The following INPPL1 variants were observed in gnomAD, a reference collection of about 807,000 sequenced individuals.
INPPL1 encodes the protein inositol polyphosphate phosphatase like 1.
A neutral mutation model predicts 139.3 loss-of-function variants in INPPL1; 91 were observed. The ratio of observed to expected loss-of-function variants is 0.65; its 90% CI spans 0.55 to 0.78. The LOEUF is 0.78. Ranked by LOEUF, INPPL1 falls within the 30% of genes least tolerant of loss-of-function variation. The pLI, the probability that INPPL1 is intolerant of heterozygous loss-of-function variation, is 0.00. For missense variants in INPPL1, 1,411 were observed against 1,665.6 expected, an observed-to-expected ratio of 0.85 and a Z score of 2.66; for synonymous variants, 719 against 686.6, an observed-to-expected ratio of 1.05 and a Z score of -0.74.
chr11:72,230,569 C>T, intron 10 of INPPL1, 101 bp downstream of exon 10: 2 of 1,173,708 alleles, frequency 1.7e-6, no homozygotes, highest in Non-Finnish European at 2.5e-6. Context: ...TGTAGGCATG[C>T]CATCCCTCCT....
chr11:72,233,384 C>A, intron 17 of INPPL1, 57 bp from the exon 18 acceptor site: 1 of 1,476,824 alleles, frequency 6.8e-7, no homozygotes, highest in Middle Eastern at 2.1e-4. Flanking sequence ...GAGTGGGGTC[C>A]ATGCCAAGCA....
upstream of INPPL1, among the ~76,000 whole-genome samples, chr11:72,224,515 C>T (rs1278120306): frequency 2.7e-5 from 3 of 110,248 alleles, no homozygotes; most frequent in South Asian, 2.9e-4. Context: ...CCCGAAGTGT[C>T]GGGGCCAGGA....
intron 13 of INPPL1, among the ~76,000 whole-genome samples, 166 bp downstream of exon 13, chr11:72,231,781 C>T (rs1034012567): frequency 6.6e-6 from 1 of 152,178 alleles, no homozygotes; most frequent in Non-Finnish European, 1.5e-5. Context: ...TCTCCCAGCA[C>T]CACTGGGAAG....
At chr11:72,225,699 CA>C (rs1948651562) in intron 1 of INPPL1, among the ~76,000 whole-genome samples, 1 of 152,134 alleles carries the variant, frequency 6.6e-6, no homozygotes, top group Admixed American at 6.5e-5. Flanking sequence ...CTTGGGGAAG[CA>C]GAGGCTGAGG....
At position 72,235,762 on chromosome 11, in the gene INPPL1, G is replaced by A. The variant is rs372285986; in HGVS notation, c.2738+9G>A. 82 of 1,613,982 alleles carry A rather than the reference G, an allele frequency of 5.1e-5. No homozygotes were observed. The highest frequency in any genetic ancestry group is 6.8e-5 in the Non-Finnish European group (80 of 1,179,992). On this transcript the variant is annotated intron_variant, in intron 24 of 27. Coordinates refer to ENST00000298229, the MANE Select transcript of INPPL1 (RefSeq NM_001567.4). This position sits in a 1 kb window ranked among gnomAD's most constrained non-coding sequence, Gnocchi z 4.9. ...GGGAGCCAGGAGCCCAGGTGAGCTA[G>A]GGCTGTGTTGAATGTCATATGAAAG...
rs778488376 is a variant in INPPL1 at position 72,237,675 on chromosome 11, C to A, written c.3431C>A (p.Ala1144Glu). Residue 1144 changes from alanine to glutamate, a missense_variant, in exon 26 of 28, where the codon GCG becomes GAG. By Grantham distance (107) the Ala-to-Glu change is moderately radical (BLOSUM62 -1). Transcript: ENST00000298229. ...DYAPAGPARS[A>E]LLPGPLELQP... ...GCCCCTGCTGGGCCTGCACGCTCAG[C>A]GCTCCTCCCAGGCCCCCTGGAGCTG... is the stretch of plus-strand genomic sequence containing the variant. 15 of 1,611,748 alleles carry A rather than the reference C, an allele frequency of 9.3e-6. No individual in the cohort carries two copies. Among genetic ancestry groups the A allele is most frequent in the Non-Finnish European group, 1.2e-5 (14 of 1,179,446 alleles).
chr11:72,235,857 G>A lies in INPPL1; in HGVS notation c.2750G>A (p.Arg917His), dbSNP rs748853590. Residue 917 changes from arginine to histidine, a missense_variant, in exon 25 of 28, where the codon CGC (arginine) becomes CAC (histidine). By Grantham distance (29) the Arg-to-His change is conservative. This residue lies in a region of INPPL1 where 99 missense variants were observed against 171.6 expected (regional missense o/e 0.58). Transcript: ENST00000298229. This position sits in a 1 kb window ranked among gnomAD's most constrained non-coding sequence, Gnocchi z 4.9. ...TGCATCCCTGGCAGGTCAGGGAGCC[G>A]CAAGCCAGCCTTCACAGAGGCCTCC... Reference protein sequence around the residue: ...RGSQEPRSGSRKPAFTEASCP... With the variant: ...RGSQEPRSGSHKPAFTEASCP... 1.7e-5 allele frequency: 28 copies of A among 1,612,324 alleles called. No homozygotes were observed. The highest frequency in any genetic ancestry group is 7.7e-5 in the South Asian group (7 of 90,946).
Position 72,235,769 on chromosome 11 carries a change from G to A in INPPL1, c.2738+16G>A, listed in dbSNP as rs773881928. On this transcript the variant is annotated intron_variant, in intron 24 of 27. Transcript: ENST00000298229. The surrounding 1 kb of genome is among the most constrained non-coding windows in gnomAD (Gnocchi z 4.9). ...AGGAGCCCAGGTGAGCTAGGGCTGT[G>A]TTGAATGTCATATGAAAGGGTACCT... is the stretch of plus-strand genomic sequence containing the variant. 1.5e-5 allele frequency: 24 copies of A among 1,613,948 alleles called. No homozygotes were observed. The highest frequency in any genetic ancestry group is 8.9e-5 in the East Asian group (4 of 44,894).
rs1279630502 is a variant in INPPL1, at chr11:72,231,486, C to T, written c.1498-12C>T. ...GCAGCAGGGCAGTGGTGACCATGCACTCTCTACCCAGATTGCCATGCAATC... is the reference window on the plus strand; with the variant it reads ...GCAGCAGGGCAGTGGTGACCATGCATTCTCTACCCAGATTGCCATGCAATC... On this transcript the variant is annotated splice_polypyrimidine_tract_variant and intron_variant, in intron 12 of 27. Coordinates refer to ENST00000298229, the MANE Select transcript of INPPL1 (RefSeq NM_001567.4). The T allele has an allele frequency of 6.3e-7, 1 of 1,592,336 alleles. No individual in the cohort carries two copies. The highest frequency in any genetic ancestry group is 1.7e-5 in the Admixed American group (1 of 60,006).
In INPPL1 at chr11:72,237,469, A is replaced by C; in HGVS notation, c.3225A>C (p.Pro1075=). 2 of 1,610,244 alleles carry C rather than the reference A, an allele frequency of 1.2e-6. No homozygotes were observed. The highest frequency in any genetic ancestry group is 1.7e-6 in the Non-Finnish European group (2 of 1,177,658). ...CCAGCCTGGATCCTTTACCAGGGCCAGTGGTCCGGGGCCGTGGTGGGGCTG... is the reference window on the plus strand; with the variant it reads ...CCAGCCTGGATCCTTTACCAGGGCCCGTGGTCCGGGGCCGTGGTGGGGCTG... ...LPPSLDPLPG[P]VVRGRGGAEA... is the part of the protein sequence containing the mutation. Residue 1075 remains proline (P), a synonymous_variant, in exon 26 of 28, where the codon CCA becomes CCC. Coordinates refer to ENST00000298229, the MANE Select transcript of INPPL1 (RefSeq NM_001567.4).
Position 72,224,793 on chromosome 11 carries a change from T to C in INPPL1, c.-192T>C. ...TTTCTCTTCAAGTTGAGGCCGGCGC[T>C]GCAGGCAGCGGCGGCTGCGCGGTGA... On this transcript the variant is annotated 5_prime_UTR_variant, in exon 1 of 28. Coordinates refer to ENST00000298229, the MANE Select transcript of INPPL1 (RefSeq NM_001567.4). 1 of 204,474 alleles carries C rather than the reference T, an allele frequency of 4.9e-6. No homozygotes were observed. The highest frequency in any genetic ancestry group is 9.0e-6 in the Non-Finnish European group (1 of 110,926). 12.7% of individuals were successfully genotyped at this position (204,474 alleles called of 1,614,324 possible).
At chr11:72,232,427 C>T (rs573752655) in intron 14 of INPPL1, 91 bp downstream of exon 14, 70 of 1,288,388 alleles carry the variant, frequency 5.4e-5, no homozygotes, top group Non-Finnish European at 6.7e-5. Flanking sequence ...ATGACCCTCC[C>T]GCAGGCCTGT....
chr11:72,236,071 T>C (rs1948983004), intron 25 of INPPL1, 85 bp downstream of exon 25: 13 of 774,938 alleles, frequency 1.7e-5, no homozygotes, highest in Non-Finnish European at 2.5e-5. Context: ...AGGGTTGGCC[T>C]GGAGATCATC....
At position 72,233,682 on chromosome 11, in the gene INPPL1, A is replaced by T; in HGVS notation, c.2150A>T (p.Asp717Val). 1 of 1,614,060 alleles carries T rather than the reference A, an allele frequency of 6.2e-7. No homozygotes were observed. Residue 717 changes from aspartate to valine, a missense_variant, in exon 19 of 28, where the codon GAC becomes GTC. Transcript: ENST00000298229. ...YGCTDDIVTSDHSPVFGTFEV... is the reference protein window; with the variant it reads ...YGCTDDIVTSVHSPVFGTFEV... ...TGCACTGATGACATCGTCACCAGCGACCATTCCCCCGTGTTTGGGACATTT... is the reference window on the plus strand; with the variant it reads ...TGCACTGATGACATCGTCACCAGCGTCCATTCCCCCGTGTTTGGGACATTT...
chr11:72,237,082 G>A lies in INPPL1; in HGVS notation c.2880-42G>A, dbSNP rs775458938. 7 of 1,526,764 alleles carry A rather than the reference G, an allele frequency of 4.6e-6. No homozygotes were observed. The South Asian group carries it at 8.7e-5, about 19-fold the overall frequency. 94.6% of individuals were successfully genotyped at this position (1,526,764 alleles called of 1,614,324 possible). On this transcript the variant is annotated intron_variant, in intron 25 of 27. Coordinates refer to ENST00000298229, the MANE Select transcript of INPPL1 (RefSeq NM_001567.4). ...CACTGCTTCCACTGCCTTAGACCTG[G>A]GTTCCTGGATCCTGGCTTAGTCGTT...
At position 72,238,653 on chromosome 11, in the gene INPPL1, G is replaced by T; in HGVS notation, c.*300G>T. Reference sequence around the variant, plus strand: ...TGGACCCCGCCTCCCAGCCCCAGGGGTGCCTGTGGGGGTCCATTTGGGTAC... The same window carrying T: ...TGGACCCCGCCTCCCAGCCCCAGGGTTGCCTGTGGGGGTCCATTTGGGTAC... On this transcript the variant is annotated 3_prime_UTR_variant, in exon 28 of 28. Transcript: ENST00000298229. 4.1e-6 allele frequency: 1 copy of T among 242,300 alleles called. No homozygotes were observed. The highest frequency in any genetic ancestry group is 1.3e-3 in the Middle Eastern group (1 of 766). 15.0% of individuals were successfully genotyped at this position (242,300 alleles called of 1,614,324 possible). A position where few individuals can be genotyped will look rare whatever the true frequency, so the allele number is the denominator to read the frequency against.
Position 72,237,670 on chromosome 11 carries a change from C to A in INPPL1, c.3426C>A (p.Arg1142=), listed in dbSNP as rs758938483. 1 of 1,611,934 alleles carries A rather than the reference C, an allele frequency of 6.2e-7. No individual in the cohort carries two copies. The change falls in exon 26 of 28, where the codon CGC becomes CGA. Residue 1142 remains arginine (R), a synonymous_variant. Coordinates refer to ENST00000298229, the MANE Select transcript of INPPL1 (RefSeq NM_001567.4). The stretch of plus-strand genomic sequence containing the variant: ...ACTATGCCCCTGCTGGGCCTGCACG[C>A]TCAGCGCTCCTCCCAGGCCCCCTGG... ...EVDYAPAGPA[R]SALLPGPLEL...
Position 72,228,082 on chromosome 11 carries a change from C to G in INPPL1, c.183-108C>G. 1 of 1,185,586 alleles carries G rather than the reference C, an allele frequency of 8.4e-7. No individual in the cohort carries two copies. The highest frequency in any genetic ancestry group is 1.3e-6 in the Non-Finnish European group (1 of 799,866). 73.4% of individuals were successfully genotyped at this position (1,185,586 alleles called of 1,614,324 possible). A position where few individuals can be genotyped will look rare whatever the true frequency, so the allele number is the denominator to read the frequency against. ...GCCTGGGCAGGTGGTTTTAGGGAAA[C>G]CAAGCTGAGGGGGTTGGGGTGCTGA... On this transcript the variant is annotated intron_variant, in intron 1 of 27. Coordinates refer to ENST00000298229, the MANE Select transcript of INPPL1 (RefSeq NM_001567.4). The surrounding 1 kb of genome is among the most constrained non-coding windows in gnomAD (Gnocchi z 5.0).
In INPPL1 at chr11:72,238,222, C is replaced by A. The variant is rs570884371; in HGVS notation, c.3687-41C>A. The stretch of plus-strand genomic sequence containing the variant: ...GGGGCGGAGCTGGGGCCCTCAGGAT[C>A]CCCTTGCCCATCTCACTTCCCAGCC... On this transcript the variant is annotated intron_variant, in intron 27 of 27. Coordinates refer to ENST00000298229, the MANE Select transcript of INPPL1 (RefSeq NM_001567.4). The A allele has an allele frequency of 3.1e-6, 5 of 1,613,392 alleles. No individual in the cohort carries two copies. In the South Asian group the frequency reaches 5.5e-5, roughly 18 times the overall value.
Sources: gnomAD v4.1 joint callset for allele counts (sites outside exome capture counted in the v4.1 genomes callset) on GRCh38, gnomAD v4.1.1 for gene constraint, gnomAD v4.1.1 regional missense constraint, Gnocchi (gnomAD v3.1) non-coding constraint, MANE v1.5 for transcripts, NCBI Gene and HGNC (gene_info 2026-07-23, HGNC 2026-07-21) for gene names.